RAB38: variants seen among roughly 807,000 people sequenced by gnomAD.
RAB38 encodes RAB38, member RAS oncogene family.
Under a neutral mutation model 18.4 loss-of-function variants are expected in RAB38, and 15 were observed. The ratio of observed to expected loss-of-function variants is 0.82; its 90% CI spans 0.55 to 1.26. The LOEUF (loss-of-function observed/expected upper bound fraction) is 1.26, where lower values mean the gene tolerates loss of function less well. Ranked by LOEUF, RAB38 falls within the 50% of genes most tolerant of loss-of-function variation. The probability of loss-of-function intolerance (pLI) is 0.00; values close to 1 mark genes in which losing one functional copy is unlikely to be tolerated. For synonymous variants in RAB38, 101 were observed against 104.4 expected, an observed-to-expected ratio of 0.97 and a Z score of 0.20; for missense variants, 294 against 267.4, an observed-to-expected ratio of 1.10 and a Z score of -0.69.
chr11:88,130,286 A>G (rs1942750845), intron 2 of RAB38, among the ~76,000 whole-genome samples: 1 of 152,214 alleles, frequency 6.6e-6, no homozygotes, highest in African/African-American at 2.4e-5. Flanking sequence ...TTTAAAAATA[A>G]CATGTACAAA....
the RAB38 span, among the ~76,000 whole-genome samples, chr11:88,037,040 T>C: frequency 2.0e-5 from 3 of 152,164 alleles, no homozygotes; most frequent in Non-Finnish European, 2.9e-5. Flanking sequence ...TTTGGAACAA[T>C]TTAAAAAAGA....
At chr11:87,878,611 C>G in the RAB38 span, among the ~76,000 whole-genome samples, 8 of 151,752 alleles carry the variant, frequency 5.3e-5, no homozygotes, top group Non-Finnish European at 8.9e-5. Context: ...TTTAAAAAAG[C>G]AATTTCCATT....
chr11:88,124,530 T>A (rs1942669072), intron 2 of RAB38, among the ~76,000 whole-genome samples: 1 of 152,060 alleles, frequency 6.6e-6, no homozygotes, highest in Non-Finnish European at 1.5e-5. Context: ...AAAATGCTCA[T>A]CATCACTGGA....
At chr11:88,010,805 A>G in the RAB38 span, among the ~76,000 whole-genome samples, 5 of 152,334 alleles carry the variant, frequency 3.3e-5, no homozygotes, top group South Asian at 2.1e-4. Context: ...ATTTAAGGCC[A>G]GGTATTCATA....
the RAB38 span, among the ~76,000 whole-genome samples, chr11:87,865,379 A>T: frequency 6.6e-6 from 1 of 151,700 alleles, no homozygotes. Context: ...GGAAATAAAC[A>T]AAGGTCATAG....
chr11:87,976,687 ATT>A, the RAB38 span, among the ~76,000 whole-genome samples: 1 of 122,760 alleles, frequency 8.1e-6, no homozygotes, highest in Non-Finnish European at 1.6e-5. Context: ...ATATTTATAT[ATT>A]TACAATATAT....
chr11:88,018,384 C>A, the RAB38 span, among the ~76,000 whole-genome samples: 1 of 152,154 alleles, frequency 6.6e-6, no homozygotes, highest in South Asian at 2.1e-4. Flanking sequence ...CCCCCACTAC[C>A]ATTCAAACAT....
chr11:87,951,085 CTTTCTATTCTTT>C, the RAB38 span, among the ~76,000 whole-genome samples: 1 of 152,072 alleles, frequency 6.6e-6, no homozygotes, highest in Non-Finnish European at 1.5e-5. Context: ...TTGTTTATTT[CTTTCTATTCTTT>C]TATCTCTAAA....
At chr11:87,860,914 C>T in the RAB38 span, among the ~76,000 whole-genome samples, 1 of 151,598 alleles carries the variant, frequency 6.6e-6, no homozygotes, top group Non-Finnish European at 1.5e-5. Flanking sequence ...TTTTATAAGG[C>T]CGAGATATCA....
chr11:88,059,585 G>T, the RAB38 span, among the ~76,000 whole-genome samples: 8 of 152,216 alleles, frequency 5.3e-5, no homozygotes, highest in African/African-American at 1.7e-4. Context: ...TCAGGTTTCA[G>T]AGTCAAATGC....
the RAB38 span, among the ~76,000 whole-genome samples, chr11:88,104,643 A>G: frequency 6.6e-6 from 1 of 152,176 alleles, no homozygotes; most frequent in Non-Finnish European, 1.5e-5. Flanking sequence ...TAGTTGGCAC[A>G]AAGTGGGCAC....
chr11:88,105,825 C>A, the RAB38 span, among the ~76,000 whole-genome samples: 1 of 152,232 alleles, frequency 6.6e-6, no homozygotes, highest in South Asian at 2.1e-4. Context: ...GACAAGAAAT[C>A]CTGCCAGAAT....
intron 2 of RAB38, 83 bp downstream of exon 2, chr11:88,149,592 T>C: frequency 6.9e-7 from 1 of 1,447,080 alleles, no homozygotes; most frequent in Non-Finnish European, 9.4e-7. Context: ...CATATTATTA[T>C]CATTATGATG....
chr11:88,039,896 T>A, the RAB38 span, among the ~76,000 whole-genome samples: 28 of 152,300 alleles, frequency 1.8e-4, 1 homozygote, highest in Middle Eastern at 0.01. Flanking sequence ...CTTTGCTGCA[T>A]CTGATCAGGA....
At chr11:87,939,253 C>T in the RAB38 span, among the ~76,000 whole-genome samples, 2 of 151,914 alleles carry the variant, frequency 1.3e-5, no homozygotes, top group Non-Finnish European at 2.9e-5. Flanking sequence ...TGCTGTGAAT[C>T]CAGAGTTATG....
intron 1 of RAB38, among the ~76,000 whole-genome samples, chr11:88,158,950 C>T (rs1173126780): frequency 1.3e-5 from 2 of 151,880 alleles, no homozygotes; most frequent in Non-Finnish European, 2.9e-5. Flanking sequence ...ATAAAAAAAT[C>T]CAAATAGGAA....
chr11:88,056,803 C>CAATCAATAAATA, the RAB38 span, among the ~76,000 whole-genome samples: 1 of 121,292 alleles, frequency 8.2e-6, no homozygotes. Context: ...GACTCCGTCT[C>CAATCAATAAATA]AATAAATAAA....
the RAB38 span, among the ~76,000 whole-genome samples, chr11:87,906,392 T>G: frequency 3.1e-4 from 47 of 151,946 alleles, no homozygotes; most frequent in Admixed American, 3.1e-3. Flanking sequence ...TTACAAGTTA[T>G]TTAATGTTTC....
chr11:87,945,411 A>AT, the RAB38 span, among the ~76,000 whole-genome samples: 1 of 152,294 alleles, frequency 6.6e-6, no homozygotes, highest in South Asian at 2.1e-4. Context: ...AGCAATTCAG[A>AT]TTTTACTGAA....
Sources: allele counts gnomAD v4.1 joint callset (sites outside exome capture counted in the v4.1 genomes callset), GRCh38; gene constraint gnomAD v4.1.1; transcripts MANE v1.5; gene names NCBI Gene and HGNC (gene_info 2026-07-23, HGNC 2026-07-21).